ADAM10: variants seen among roughly 807,000 people sequenced by gnomAD.
ADAM10 encodes the protein ADAM metallopeptidase domain 10, also known as disintegrin and metalloproteinase domain-containing protein 10.
Under a neutral mutation model 90.1 loss-of-function variants are expected in ADAM10, and 17 were observed. The observed-to-expected ratio is 0.19, with a 90% CI of 0.13 to 0.28. The LOEUF (loss-of-function observed/expected upper bound fraction) is 0.28. ADAM10 is among the 10% of genes least tolerant of loss of function. The pLI is 1.00. For synonymous variants in ADAM10, 310 were observed against 298.6 expected, an observed-to-expected ratio of 1.04 and a Z score of -0.40; for missense variants, 610 against 914.3, an observed-to-expected ratio of 0.67 and a Z score of 4.29.
intron 1 of ADAM10, among the ~76,000 whole-genome samples, chr15:58,721,448 T>G (rs1015419554): frequency 6.6e-6 from 1 of 152,182 alleles, no homozygotes; most frequent in Non-Finnish European, 1.5e-5. Flanking sequence ...AAACTTATAT[T>G]AAGATAATGT....
At chr15:58,695,649 A>G (rs1254568145) in intron 2 of ADAM10, among the ~76,000 whole-genome samples, 2 of 144,078 alleles carry the variant, frequency 1.4e-5, no homozygotes, top group African/African-American at 2.6e-5. Flanking sequence ...AAGTTTTAAT[A>G]TAAGACCTGG....
intron 14 of ADAM10, among the ~76,000 whole-genome samples, chr15:58,604,194 T>C (rs537774693): frequency 6.6e-6 from 1 of 152,182 alleles, no homozygotes; most frequent in Admixed American, 6.5e-5. Context: ...AAACCCCATC[T>C]GTGCTAAAAT....
intron 15 of ADAM10, among the ~76,000 whole-genome samples, chr15:58,598,068 G>GAATT (rs1268023694): frequency 2.0e-5 from 3 of 152,070 alleles, no homozygotes; most frequent in African/African-American, 7.2e-5. Context: ...CCATATGAGG[G>GAATT]AATTACTAAG....
intron 5 of ADAM10, among the ~76,000 whole-genome samples, chr15:58,647,861 G>A (rs548172529): frequency 6.6e-6 from 1 of 152,232 alleles, no homozygotes; most frequent in African/African-American, 2.4e-5. Context: ...CCTCAATTAA[G>A]TATTTCTTCA....
At chr15:58,684,656 G>A (rs1239089543) in intron 2 of ADAM10, among the ~76,000 whole-genome samples, 1 of 152,206 alleles carries the variant, frequency 6.6e-6, no homozygotes, top group Non-Finnish European at 1.5e-5. Flanking sequence ...ATCATGAGTT[G>A]TATCCTTTAT....
chr15:58,731,691 A>G (rs1373627151), intron 1 of ADAM10, among the ~76,000 whole-genome samples: 1 of 152,178 alleles, frequency 6.6e-6, no homozygotes, highest in Non-Finnish European at 1.5e-5. Context: ...TCAGAAGGCA[A>G]CAAGCACCCT....
At chr15:58,646,656 A>G (rs1236386690) in intron 5 of ADAM10, among the ~76,000 whole-genome samples, 1 of 152,232 alleles carries the variant, frequency 6.6e-6, no homozygotes, top group African/African-American at 2.4e-5. Flanking sequence ...AGTTTAATCA[A>G]CCAATAGCCA....
intron 5 of ADAM10, among the ~76,000 whole-genome samples, chr15:58,649,474 A>T (rs1896630716): frequency 6.6e-6 from 1 of 152,184 alleles, no homozygotes; most frequent in African/African-American, 2.4e-5. Flanking sequence ...TTGAGCCCGC[A>T]ATCTTTTCAA....
chr15:58,591,340 A>T lies in ADAM10; in HGVS notation c.*6207T>A. The stretch of plus-strand genomic sequence containing the variant: ...CACTAAAACAATCATTATGAAAATC[A>T]TTATGAATACAGGTCATTATCATGA... On this transcript the variant is annotated 3_prime_UTR_variant, in exon 16 of 16. Coordinates refer to ENST00000260408, the MANE Select transcript of ADAM10 (RefSeq NM_001110.4). 6.6e-6 allele frequency: 1 copy of T among 152,240 alleles called. No individual in the cohort carries two copies. Among genetic ancestry groups the T allele is most frequent in the East Asian group, 1.9e-4 (1 of 5,202 alleles). 9.4% of individuals were successfully genotyped at this position (152,240 alleles called of 1,614,324 possible). A position where few individuals can be genotyped will look rare whatever the true frequency, so the allele number is the denominator to read the frequency against.
At chr15:58,661,497 T>C (rs1053802117) in intron 5 of ADAM10, among the ~76,000 whole-genome samples, 5 of 152,200 alleles carry the variant, frequency 3.3e-5, no homozygotes, top group Non-Finnish European at 5.9e-5. Flanking sequence ...TACTGTGTAA[T>C]GAGAAGTCAC....
At chr15:58,701,155 A>G (rs79234285) in intron 2 of ADAM10, among the ~76,000 whole-genome samples, 1,796 of 152,216 alleles carry the variant, frequency 0.012, 39 homozygotes, top group African/African-American at 0.041. Flanking sequence ...AAAAAAACAG[A>G]AATAGCCTGT....
At chr15:58,626,543 T>C (rs550589288) in intron 10 of ADAM10, among the ~76,000 whole-genome samples, 1 of 152,096 alleles carries the variant, frequency 6.6e-6, no homozygotes, top group Non-Finnish European at 1.5e-5. Context: ...ATTTAGAGTA[T>C]GTTCAATGCC....
intron 2 of ADAM10, among the ~76,000 whole-genome samples, chr15:58,705,316 TG>T (rs1361355748): frequency 2.0e-5 from 3 of 152,222 alleles, no homozygotes; most frequent in African/African-American, 7.2e-5. Flanking sequence ...ACCACTGTAT[TG>T]ATTTTATGAA....
At chr15:58,613,905 C>T (rs1415646717) in intron 11 of ADAM10, among the ~76,000 whole-genome samples, 3 of 152,128 alleles carry the variant, frequency 2.0e-5, no homozygotes, top group African/African-American at 7.2e-5. Flanking sequence ...CACTTGAGCC[C>T]AGGAGTTCAA....
At chr15:58,729,401 C>CT (rs1351461722) in intron 1 of ADAM10, among the ~76,000 whole-genome samples, 1 of 152,174 alleles carries the variant, frequency 6.6e-6, no homozygotes, top group African/African-American at 2.4e-5. Flanking sequence ...TTTTCAGCGA[C>CT]TAACAGCATA....
At chr15:58,618,157 T>C (rs1895674354) in intron 11 of ADAM10, among the ~76,000 whole-genome samples, 1 of 152,158 alleles carries the variant, frequency 6.6e-6, no homozygotes, top group Admixed American at 6.5e-5. Flanking sequence ...AACAGCATGA[T>C]ACTGACATAA....
At chr15:58,657,659 G>T (rs1353079523) in intron 5 of ADAM10, among the ~76,000 whole-genome samples, 2 of 152,050 alleles carry the variant, frequency 1.3e-5, no homozygotes, top group African/African-American at 4.8e-5. Flanking sequence ...TATCTGAAAG[G>T]TCACCTATCT....
At chr15:58,604,655 T>G (rs1401469108) in intron 14 of ADAM10, among the ~76,000 whole-genome samples, 1 of 152,224 alleles carries the variant, frequency 6.6e-6, no homozygotes, top group Admixed American at 6.5e-5. Flanking sequence ...GCCTAACACA[T>G]ACAAATAATG....
chr15:58,725,570 TAAAC>T (rs1457791175), intron 1 of ADAM10, among the ~76,000 whole-genome samples: 4 of 146,876 alleles, frequency 2.7e-5, no homozygotes, highest in African/African-American at 5.0e-5. Context: ...TATAAATAAA[TAAAC>T]AAAAACCACA....
Sources: allele counts gnomAD v4.1 joint callset (sites outside exome capture counted in the v4.1 genomes callset), GRCh38; gene constraint gnomAD v4.1.1; transcripts MANE v1.5; gene names NCBI Gene and HGNC (gene_info 2026-07-23, HGNC 2026-07-21).